TMEM168: variants seen among roughly 807,000 people sequenced by gnomAD.
TMEM168 encodes the protein transmembrane protein 168.
A neutral mutation model predicts 53.2 loss-of-function variants in TMEM168; 40 were observed. The ratio of observed to expected loss-of-function variants is 0.75; its 90% CI spans 0.58 to 0.98. TMEM168 has a LOEUF of 0.98. Ranked by LOEUF, TMEM168 falls within the 50% of genes least tolerant of loss-of-function variation. TMEM168 has a pLI of 0.00. For missense variants in TMEM168, 771 were observed against 828.8 expected (o/e 0.93, Z 0.86); for synonymous variants, 282 against 293.0 (o/e 0.96, Z 0.38).
At chr7:112,779,128 C>T (rs1006797516) in intron 2 of TMEM168, among the ~76,000 whole-genome samples, 1 of 152,064 alleles carries the variant, frequency 6.6e-6, no homozygotes, top group African/African-American at 2.4e-5. Flanking sequence ...TGGGTTCAAG[C>T]AATCCTCCTG....
At chr7:112,789,889 G>A (rs956863397) in intron 1 of TMEM168, among the ~76,000 whole-genome samples, 4 of 152,218 alleles carry the variant, frequency 2.6e-5, no homozygotes, top group African/African-American at 9.7e-5. Context: ...TGGGAGGTCC[G>A]ACAAGGAGCT....
chr7:112,787,842 C>T (rs1004157399), intron 1 of TMEM168, among the ~76,000 whole-genome samples: 3 of 148,750 alleles, frequency 2.0e-5, no homozygotes, highest in African/African-American at 7.4e-5. Context: ...AAGCGATTCT[C>T]CTGCCTCAGC....
At chr7:112,778,550 A>AT (rs1793151633) in intron 2 of TMEM168, 1 of 152,090 alleles carries the variant, frequency 6.6e-6, no homozygotes, top group South Asian at 2.1e-4. Flanking sequence ...ATATTTACAT[A>AT]TTTTTTCTAA....
intron 3 of TMEM168, among the ~76,000 whole-genome samples, chr7:112,774,812 C>T (rs978035043): frequency 1.3e-5 from 2 of 151,992 alleles, no homozygotes; most frequent in African/African-American, 4.8e-5. Flanking sequence ...AACTCCTGAC[C>T]TCAGGTGATC....
chr7:112,784,951 G>A lies in TMEM168; in HGVS notation c.-126C>T, dbSNP rs947038168. The A allele has an allele frequency of 9.7e-6, 7 of 722,662 alleles. No homozygotes were observed. In the African/African-American group the frequency reaches 1.1e-4, roughly 11 times the overall value. 44.8% of individuals were successfully genotyped at this position (722,662 alleles called of 1,614,324 possible). A position where few individuals can be genotyped will look rare whatever the true frequency, so the allele number is the denominator to read the frequency against. On this transcript the variant is annotated splice_region_variant and 5_prime_UTR_variant, in exon 2 of 5. Transcript: ENST00000312814. ...CTCTTGTGGAAATTTTGTTTATAGTGATCTAAAAAGAAGAAAACAATATTT... is the reference window on the plus strand; with the variant it reads ...CTCTTGTGGAAATTTTGTTTATAGTAATCTAAAAAGAAGAAAACAATATTT...
rs773721143 is a variant in TMEM168, at chr7:112,772,927, T to C, written c.1400A>G (p.Tyr467Cys). 22 of 1,613,996 alleles carry C rather than the reference T, an allele frequency of 1.4e-5. No individual in the cohort carries two copies. The highest frequency in any genetic ancestry group is 2.7e-5 in the African/African-American group (2 of 74,942). ...ATCAAATGACAGTCCACTTGTGGAA[T>C]AGTCACATCCATAGGTCTCAATCAT... is the stretch of plus-strand genomic sequence containing the variant. Reference protein sequence around the residue: ...YHMIETYGCDYSTSGLSFDTL... With the variant: ...YHMIETYGCDCSTSGLSFDTL... The change falls in exon 4 of 5, where the codon TAT (tyrosine) becomes TGT (cysteine). Residue 467 changes from tyrosine to cysteine, a missense_variant. By Grantham distance (194) the Tyr-to-Cys change is radical (BLOSUM62 -2). Transcript: ENST00000312814.
chr7:112,772,646 G>A lies in TMEM168; in HGVS notation c.1546+135C>T, dbSNP rs1288697611. On this transcript the variant is annotated intron_variant, in intron 4 of 4. Transcript: ENST00000312814. ...GGCTAAACAGGTATGCTAGAGCAAA[G>A]AAAAACAAATTAGAGTCATATGCAT... 60 of 1,023,742 alleles carry A rather than the reference G, an allele frequency of 5.9e-5. No individual in the cohort carries two copies. In the South Asian group the frequency reaches 9.8e-4, roughly 17 times the overall value. 63.4% of individuals were successfully genotyped at this position (1,023,742 alleles called of 1,614,324 possible).
chr7:112,770,606 ATATG>A (rs1410218959), intron 4 of TMEM168, among the ~76,000 whole-genome samples: 1 of 124,578 alleles, frequency 8.0e-6, no homozygotes. Context: ...AGAGATATAT[ATATG>A]TGTGTGTGTG....
chr7:112,788,160 C>T (rs1246048555), intron 1 of TMEM168, among the ~76,000 whole-genome samples: 2 of 152,176 alleles, frequency 1.3e-5, no homozygotes, highest in African/African-American at 4.8e-5. Flanking sequence ...TTCCCCTCCT[C>T]GGTCTCCTTG....
intron 2 of TMEM168, among the ~76,000 whole-genome samples, chr7:112,776,619 A>G (rs1223507162): frequency 6.6e-6 from 1 of 152,082 alleles, no homozygotes; most frequent in Non-Finnish European, 1.5e-5. Flanking sequence ...CCATTTAAAA[A>G]CACTAGAAAA....
intron 2 of TMEM168, 119 bp downstream of exon 2, chr7:112,783,579 A>T: frequency 9.5e-7 from 1 of 1,056,664 alleles, no homozygotes; most frequent in Non-Finnish European, 1.3e-6. Context: ...AACAAAATTA[A>T]GAGCAAACAT....
chr7:112,770,225 G>A lies in TMEM168; in HGVS notation c.1547-2481C>T, dbSNP rs149472098. On this transcript the variant is annotated intron_variant, in intron 4 of 4. Transcript: ENST00000312814. The stretch of plus-strand genomic sequence containing the variant: ...CCAGGGCATGAACTAACTGAAAAGC[G>A]GGCTTTTCTGGGCCTGGTTCAACCT... Among the ~76,000 whole-genome samples, 805 of 152,230 alleles carry A rather than the reference G, an allele frequency of 5.3e-3. 2 individuals are homozygous for A. Among genetic ancestry groups the A allele is most frequent in the African/African-American group, 0.018 (744 of 41,542 alleles).
At chr7:112,786,189 G>A (rs976520244) in intron 1 of TMEM168, among the ~76,000 whole-genome samples, 6 of 152,106 alleles carry the variant, frequency 3.9e-5, no homozygotes, top group Admixed American at 2.6e-4. Context: ...GGGATAGAGC[G>A]AGACTCTGCC....
At chr7:112,775,066 A>C in intron 3 of TMEM168, 110 bp downstream of exon 3, 1 of 905,178 alleles carries the variant, frequency 1.1e-6, no homozygotes, top group East Asian at 3.2e-5. Context: ...AGAAATGCAC[A>C]AGTTATATTT....
Position 112,784,054 on chromosome 7 carries a change from G to T in TMEM168, c.772C>A (p.Arg258Ser). 1 of 1,610,276 alleles carries T rather than the reference G, an allele frequency of 6.2e-7. No homozygotes were observed. The highest frequency in any genetic ancestry group is 8.5e-7 in the Non-Finnish European group (1 of 1,179,178). Residue 258 changes from arginine (R) to serine (S), a missense_variant, in exon 2 of 5, where the codon CGT becomes AGT. By Grantham distance (110) the Arg-to-Ser change is moderately radical. Coordinates refer to ENST00000312814, the MANE Select transcript of TMEM168 (RefSeq NM_022484.6). ...VTERWKPFLY[R>S]GRICRRLSVV... Reference sequence around the variant, plus strand: ...GAAAGTCTTCTGCAAATTCTTCCACGGTACAAAAAGGGTTTCCATCTTTCA... The same window carrying T: ...GAAAGTCTTCTGCAAATTCTTCCACTGTACAAAAAGGGTTTCCATCTTTCA...
chr7:112,786,319 A>G (rs1793379112), intron 1 of TMEM168, among the ~76,000 whole-genome samples: 1 of 152,134 alleles, frequency 6.6e-6, no homozygotes, highest in East Asian at 1.9e-4. Flanking sequence ...CTTAGTACTC[A>G]TCTGGCTGGA....
At chr7:112,772,342 T>C (rs925509294) in intron 4 of TMEM168, among the ~76,000 whole-genome samples, 10 of 152,314 alleles carry the variant, frequency 6.6e-5, no homozygotes, top group African/African-American at 2.4e-4. Flanking sequence ...CAAGGTCTCC[T>C]GACCTAAGTG....
At chr7:112,782,046 C>T (rs1420533424) in intron 2 of TMEM168, among the ~76,000 whole-genome samples, 1 of 152,132 alleles carries the variant, frequency 6.6e-6, no homozygotes, top group Non-Finnish European at 1.5e-5. Flanking sequence ...AGACAAATAA[C>T]CTCAGCTTTA....
At chr7:112,787,160 A>C (rs1334342517) in intron 1 of TMEM168, among the ~76,000 whole-genome samples, 1 of 152,218 alleles carries the variant, frequency 6.6e-6, no homozygotes, top group East Asian at 1.9e-4. Context: ...GTAAAGAAAC[A>C]AAACAAAAAC....
Sources: allele counts gnomAD v4.1 joint callset (sites outside exome capture counted in the v4.1 genomes callset), GRCh38; gene constraint gnomAD v4.1.1; transcripts MANE v1.5; gene names NCBI Gene and HGNC (gene_info 2026-07-23, HGNC 2026-07-21).